Variants in DMD observed in about 807,000 individuals in gnomAD.
The protein encoded by DMD is dystrophin, also known as mutant dystrophin.
DMD carries 63 observed loss-of-function variants against 330.1 expected under a neutral mutation model. That is an observed-to-expected ratio of 0.19 (90% confidence interval 0.16 to 0.24). DMD has a LOEUF of 0.24. Among genes scored for constraint, DMD ranks in the 10% least tolerant of loss-of-function variants. The pLI, the probability that DMD is intolerant of heterozygous loss-of-function variation, is 1.00. For synonymous variants in DMD, 1,223 were observed against 959.8 expected, an observed-to-expected ratio of 1.27 and a Z score of -5.07; for missense variants, 3,344 against 2,684.1, an observed-to-expected ratio of 1.25 and a Z score of -5.43.
At chrX:32,814,993 G>A (rs2077618131) in intron 6 of DMD, among the ~76,000 whole-genome samples, 1 of 111,370 alleles carries the variant, frequency 9.0e-6, no homozygotes, top group Non-Finnish European at 1.9e-5. Flanking sequence ...CAGACAGAAT[G>A]TCTCTATCCC....
At chrX:32,885,671 T>C (rs932742696) in intron 2 of DMD, among the ~76,000 whole-genome samples, 2 of 110,774 alleles carry the variant, frequency 1.8e-5, no homozygotes, top group African/African-American at 6.5e-5. Context: ...AAACTTACAA[T>C]GTGTTGAAAT....
At chrX:33,139,642 CT>C (rs2047687777) in intron 1 of DMD, among the ~76,000 whole-genome samples, 2 of 109,232 alleles carry the variant, frequency 1.8e-5, no homozygotes, top group Admixed American at 9.9e-5. Flanking sequence ...ACCTCCCACT[CT>C]CTCTCTCATG....
At chrX:32,908,531 G>T (rs899019565) in intron 2 of DMD, among the ~76,000 whole-genome samples, 13 of 111,982 alleles carry the variant, frequency 1.2e-4, no homozygotes, top group African/African-American at 3.6e-4. Flanking sequence ...GAGAGATCCT[G>T]TATCGTCATA....
chrX:31,948,883 G>A (rs910729170), intron 45 of DMD, among the ~76,000 whole-genome samples: 2 of 110,125 alleles, frequency 1.8e-5, no homozygotes, highest in Admixed American at 1.9e-4. Flanking sequence ...CTGGACTATC[G>A]AGTCTCTTCC....
At chrX:32,060,107 G>T (rs2096212406) in intron 44 of DMD, among the ~76,000 whole-genome samples, 1 of 111,474 alleles carries the variant, frequency 9.0e-6, no homozygotes, top group Non-Finnish European at 1.9e-5. Flanking sequence ...CTTGCACAGT[G>T]ACAGAATTTA....
intron 30 of DMD, among the ~76,000 whole-genome samples, chrX:32,401,895 A>G (rs1363289105): frequency 8.9e-6 from 1 of 112,440 alleles, no homozygotes; most frequent in Middle Eastern, 4.2e-3. Context: ...AATTATGGTT[A>G]CTTTTCAAAA....
intron 53 of DMD, among the ~76,000 whole-genome samples, chrX:31,666,992 C>T (rs2081467608): frequency 8.9e-6 from 1 of 112,047 alleles, no homozygotes; most frequent in African/African-American, 3.2e-5. Context: ...CCATAAAATT[C>T]TCCCACTTAA....
intron 41 of DMD, among the ~76,000 whole-genome samples, chrX:32,340,894 T>G (rs184677301): frequency 1.8e-5 from 2 of 111,801 alleles, no homozygotes; most frequent in African/African-American, 6.5e-5. Flanking sequence ...ATTTCTCGTA[T>G]TCTTCCAATT....
intron 53 of DMD, among the ~76,000 whole-genome samples, chrX:31,675,385 CAG>C (rs2082018879): frequency 8.9e-6 from 1 of 111,863 alleles, no homozygotes; most frequent in Non-Finnish European, 1.9e-5. Flanking sequence ...ATTTTTGAGA[CAG>C]AGTCTTGCTC....
Position 33,312,004 on chromosome X carries a change from GT to G in DMD, c.7+27254del, listed in dbSNP as rs1195749062. Among the ~76,000 whole-genome samples, 352 of 103,614 alleles carry G rather than the reference GT, an allele frequency of 3.4e-3. 2 individuals are homozygous for G. Among genetic ancestry groups the G allele is most frequent in the African/African-American group, 0.011 (314 of 28,764 alleles). 90.0% of individuals were successfully genotyped at this position (103,614 alleles called of 115,157 possible). On this transcript the variant is annotated intron_variant, in intron 1 of 17. Transcript: ENST00000288447. Reference sequence around the variant, plus strand: ...AAAATCAAATGATGAAAAATAGCAAGTTTTTTTTTTTAGCAAGAGAATTTAT... The same window carrying G: ...AAAATCAAATGATGAAAAATAGCAAGTTTTTTTTTTAGCAAGAGAATTTAT...
chrX:31,426,416 G>T (rs187768633), intron 60 of DMD, among the ~76,000 whole-genome samples: 1 of 112,257 alleles, frequency 8.9e-6, no homozygotes, highest in East Asian at 2.8e-4. Flanking sequence ...ACTGGCCGCA[G>T]CTCCAGGACC....
At chrX:32,724,823 T>A (rs1346006686) in intron 7 of DMD, among the ~76,000 whole-genome samples, 1 of 112,122 alleles carries the variant, frequency 8.9e-6, no homozygotes, top group Non-Finnish European at 1.9e-5. Flanking sequence ...TATTATAAAT[T>A]TACAATGTTA....
chrX:31,381,394 C>T (rs1039086381), intron 60 of DMD, among the ~76,000 whole-genome samples: 5 of 111,702 alleles, frequency 4.5e-5, no homozygotes, highest in Admixed American at 9.5e-5. Context: ...TAGAGGCCCT[C>T]AAAATCACAA....
intron 55 of DMD, among the ~76,000 whole-genome samples, chrX:31,558,145 G>C (rs1021516399): frequency 1.8e-5 from 2 of 112,257 alleles, no homozygotes; most frequent in African/African-American, 6.5e-5. Context: ...GGAATGAAGA[G>C]CTCTGAAGAG....
At chrX:32,809,033 T>C (rs1264540940) in intron 7 of DMD, among the ~76,000 whole-genome samples, 1 of 111,516 alleles carries the variant, frequency 9.0e-6, no homozygotes, top group Non-Finnish European at 1.9e-5. Flanking sequence ...GAGTGAAAAA[T>C]TACAACAGAA....
intron 1 of DMD, among the ~76,000 whole-genome samples, chrX:33,288,431 C>A (rs1364939645): frequency 1.8e-5 from 2 of 111,489 alleles, no homozygotes; most frequent in African/African-American, 3.3e-5. Flanking sequence ...CTTCGGCCAA[C>A]CTGTACCCAA....
chrX:32,690,492 A>G (rs983799671), intron 9 of DMD, among the ~76,000 whole-genome samples: 1 of 111,576 alleles, frequency 9.0e-6, no homozygotes, highest in Non-Finnish European at 1.9e-5. Flanking sequence ...ACAGAGAAAA[A>G]CTCTGAAATT....
At chrX:32,425,711 G>T (rs2098209741) in intron 29 of DMD, among the ~76,000 whole-genome samples, 1 of 111,313 alleles carries the variant, frequency 9.0e-6, no homozygotes, top group Non-Finnish European at 1.9e-5. Context: ...ACAGCTAGTG[G>T]AGGCATCATG....
intron 1 of DMD, among the ~76,000 whole-genome samples, chrX:33,163,648 C>CTATCTATCTATCATCTATCTATCTATA (rs2048913660): frequency 8.0e-5 from 1 of 12,467 alleles, no homozygotes; most frequent in African/African-American, 2.1e-4. Context: ...ATCTATCTAT[C>CTATCTATCTATCATCTATCTATCTATA]TATCTATCTA....
Sources: gnomAD v4.1 joint callset for allele counts (sites outside exome capture counted in the v4.1 genomes callset) on GRCh38, gnomAD v4.1.1 for gene constraint, MANE v1.5 for transcripts, NCBI Gene and HGNC (gene_info 2026-07-23, HGNC 2026-07-21) for gene names.